The following LNX1 variants were observed in gnomAD, a reference collection of about 807,000 sequenced individuals.
The protein encoded by LNX1 is E3 ubiquitin-protein ligase LNX.
A neutral mutation model predicts 68.4 loss-of-function variants in LNX1; 54 were observed. The observed-to-expected ratio is 0.79, with a 90% CI of 0.63 to 0.99. The LOEUF is 0.99. Among genes scored for constraint, LNX1 ranks in the 50% least tolerant of loss-of-function variants. The pLI, the probability that LNX1 is intolerant of heterozygous loss-of-function variation, is 0.00. For synonymous variants in LNX1, 336 were observed against 350.0 expected (o/e 0.96, Z 0.45); for missense variants, 906 against 926.4 (o/e 0.98, Z 0.29).
At chr4:53,497,172 A>C (rs1725127757) in intron 5 of LNX1, among the ~76,000 whole-genome samples, 1 of 152,190 alleles carries the variant, frequency 6.6e-6, no homozygotes, top group Non-Finnish European at 1.5e-5. Flanking sequence ...TTTGTGCCTC[A>C]CTAATGATGT....
chr4:53,645,417 A>G (rs576625517), intron 1 of LNX1, among the ~76,000 whole-genome samples: 17 of 152,290 alleles, frequency 1.1e-4, no homozygotes, highest in African/African-American at 4.1e-4. Flanking sequence ...GTCAGTGTGC[A>G]CTACCATTGG....
chr4:53,648,865 G>C (rs1456187153), intron 1 of LNX1, among the ~76,000 whole-genome samples: 2 of 152,126 alleles, frequency 1.3e-5, no homozygotes, highest in African/African-American at 4.8e-5. Context: ...TCCAGCTTTG[G>C]GGTTGTCAGG....
chr4:53,622,533 T>G (rs1441510173), intron 1 of LNX1, among the ~76,000 whole-genome samples: 2 of 152,090 alleles, frequency 1.3e-5, no homozygotes, highest in African/African-American at 2.4e-5. Flanking sequence ...TGGACCATTA[T>G]CTCCAATTTT....
chr4:53,618,076 TA>T (rs1289643032), upstream of LNX1, among the ~76,000 whole-genome samples: 1 of 152,202 alleles, frequency 6.6e-6, no homozygotes, highest in African/African-American at 2.4e-5. Flanking sequence ...CTGTGATTTT[TA>T]AAAGTGAACA....
intron 1 of LNX1, among the ~76,000 whole-genome samples, chr4:53,624,153 T>C (rs1387771687): frequency 6.6e-6 from 1 of 152,192 alleles, no homozygotes; most frequent in African/African-American, 2.4e-5. Flanking sequence ...GCTTTCTTTA[T>C]TTAGAGTAAC....
At chr4:53,560,818 T>A (rs1474468005) in intron 2 of LNX1, among the ~76,000 whole-genome samples, 1 of 152,214 alleles carries the variant, frequency 6.6e-6, no homozygotes, top group East Asian at 1.9e-4. Context: ...ACAAAACTTC[T>A]ACCTGGTTAA....
chr4:53,620,774 T>G (rs1733842102), upstream of LNX1, among the ~76,000 whole-genome samples: 1 of 152,162 alleles, frequency 6.6e-6, no homozygotes, highest in Non-Finnish European at 1.5e-5. Flanking sequence ...TTCCTCCCAG[T>G]GCTTAGAGTC....
chr4:53,478,063 G>A (rs1297341007), intron 8 of LNX1, among the ~76,000 whole-genome samples: 1 of 152,062 alleles, frequency 6.6e-6, no homozygotes, highest in Admixed American at 6.6e-5. Flanking sequence ...ACTCAAAGTA[G>A]CCCAGAATAC....
intron 2 of LNX1, among the ~76,000 whole-genome samples, chr4:53,560,031 G>T (rs1210753926): frequency 6.6e-6 from 1 of 152,112 alleles, no homozygotes; most frequent in East Asian, 1.9e-4. Flanking sequence ...TCTCCAAGAG[G>T]TTTTGTTATT....
chr4:53,633,936 T>C (rs1438796549), intron 1 of LNX1, among the ~76,000 whole-genome samples: 1 of 151,910 alleles, frequency 6.6e-6, no homozygotes, highest in African/African-American at 2.4e-5. Context: ...TCTCCTAGAG[T>C]TCCTAAAATA....
chr4:53,598,943 C>A (rs1732874075), intron 2 of LNX1, among the ~76,000 whole-genome samples: 1 of 152,144 alleles, frequency 6.6e-6, no homozygotes, highest in African/African-American at 2.4e-5. Flanking sequence ...AATAAGGAAG[C>A]AGAGCTAAGG....
upstream of LNX1, among the ~76,000 whole-genome samples, chr4:53,621,756 TCTCAGACCCCACCTCAAATGATAGAG>T (rs1733887779): frequency 6.6e-6 from 1 of 152,206 alleles, no homozygotes; most frequent in African/African-American, 2.4e-5. Context: ...TGTTTTGGCT[TCTCAGACCCCACCTCAAATGATAGAG>T]GCAGGGACAT....
intron 6 of LNX1, among the ~76,000 whole-genome samples, chr4:53,489,989 C>CT (rs1560623545): frequency 6.6e-6 from 1 of 151,828 alleles, no homozygotes; most frequent in Non-Finnish European, 1.5e-5. Context: ...AAGTTCTACC[C>CT]TTTTTTGCAG....
At chr4:53,532,062 G>C (rs917808509) in intron 2 of LNX1, among the ~76,000 whole-genome samples, 6 of 152,196 alleles carry the variant, frequency 3.9e-5, no homozygotes, top group African/African-American at 1.4e-4. Context: ...ATTCAGTCTT[G>C]CAATGAGAAA....
intron 1 of LNX1, among the ~76,000 whole-genome samples, chr4:53,587,819 C>G (rs537506597): frequency 6.6e-6 from 1 of 152,160 alleles, no homozygotes; most frequent in Non-Finnish European, 1.5e-5. Flanking sequence ...CCGCTGTTTA[C>G]TCACATCACA....
At chr4:53,580,181 GC>G (rs1452533545) in intron 1 of LNX1, among the ~76,000 whole-genome samples, 1 of 152,158 alleles carries the variant, frequency 6.6e-6, no homozygotes. Context: ...CACATAATGA[GC>G]AAAATTTTCC....
intron 2 of LNX1, among the ~76,000 whole-genome samples, chr4:53,567,439 G>A (rs1730778025): frequency 6.6e-6 from 1 of 151,990 alleles, no homozygotes; most frequent in African/African-American, 2.4e-5. Flanking sequence ...GATGTTCTTT[G>A]AAACCAATGA....
intron 9 of LNX1, among the ~76,000 whole-genome samples, chr4:53,475,832 G>A (rs1488557552): frequency 1.3e-5 from 2 of 152,172 alleles, no homozygotes; most frequent in Non-Finnish European, 2.9e-5. Flanking sequence ...GCTCTAAAAT[G>A]TCACTAAAAT....
At chr4:53,607,976 T>C (rs1209293364) in intron 2 of LNX1, among the ~76,000 whole-genome samples, 8 of 152,162 alleles carry the variant, frequency 5.3e-5, no homozygotes, top group African/African-American at 1.9e-4. Flanking sequence ...TCAAGATGAA[T>C]TAAGAACTTA....
Sources: gnomAD v4.1 joint callset for allele counts (sites outside exome capture counted in the v4.1 genomes callset) on GRCh38, gnomAD v4.1.1 for gene constraint, MANE v1.5 for transcripts, NCBI Gene and HGNC (gene_info 2026-07-23, HGNC 2026-07-21) for gene names.